The following CARMIL1 variants were observed in gnomAD, a reference collection of about 807,000 sequenced individuals.
The protein encoded by CARMIL1 is capping protein regulator and myosin 1 linker 1, also known as F-actin-uncapping protein LRRC16A.
A neutral mutation model predicts 177.1 loss-of-function variants in CARMIL1; 90 were observed. The observed-to-expected ratio is 0.51, with a 90% confidence interval of 0.43 to 0.61. The LOEUF (loss-of-function observed/expected upper bound fraction) is 0.61. Among genes scored for constraint, CARMIL1 ranks in the 20% least tolerant of loss-of-function variants. The pLI, the probability that CARMIL1 is intolerant of heterozygous loss-of-function variation, is 0.00. For missense variants in CARMIL1, 1,380 were observed against 1,667.0 expected, an observed-to-expected ratio of 0.83 and a Z score of 3.00; for synonymous variants, 577 against 606.2, an observed-to-expected ratio of 0.95 and a Z score of 0.71.
At chr6:25,532,824 A>G (rs957636172) in intron 24 of CARMIL1, among the ~76,000 whole-genome samples, 6 of 152,272 alleles carry the variant, frequency 3.9e-5, no homozygotes, top group African/African-American at 1.4e-4. Context: ...AAAAAGCCGT[A>G]TAGTAAATAC....
intron 6 of CARMIL1, 91 bp downstream of exon 6, chr6:25,450,086 A>C (rs1798637945): frequency 1.9e-6 from 2 of 1,077,660 alleles, no homozygotes; most frequent in South Asian, 3.2e-5. Context: ...GCTACTGTAA[A>C]GGTGCAATTA....
At chr6:25,441,381 G>GTA (rs1797779370) in intron 5 of CARMIL1, among the ~76,000 whole-genome samples, 1 of 148,036 alleles carries the variant, frequency 6.8e-6, no homozygotes, top group Non-Finnish European at 1.5e-5. Flanking sequence ...GTCTATGTGT[G>GTA]TGTGTGTGTA....
intron 2 of CARMIL1, among the ~76,000 whole-genome samples, chr6:25,297,300 C>G (rs1782483244): frequency 6.6e-6 from 1 of 152,234 alleles, no homozygotes; most frequent in Admixed American, 6.5e-5. Context: ...TGTTTCCCTT[C>G]AAGCATCTTG....
chr6:25,308,529 G>A (rs569045681), intron 2 of CARMIL1, among the ~76,000 whole-genome samples: 3 of 152,040 alleles, frequency 2.0e-5, no homozygotes, highest in East Asian at 1.9e-4. Context: ...CTACAGGCGC[G>A]TGCCACCACA....
At chr6:25,523,653 C>G (rs968500077) in intron 23 of CARMIL1, among the ~76,000 whole-genome samples, 16 of 152,184 alleles carry the variant, frequency 1.1e-4, no homozygotes, top group African/African-American at 3.1e-4. Context: ...GAAGTTATCA[C>G]TCCCATCCTC....
At position 25,482,465 on chromosome 6, in the gene CARMIL1, A is replaced by G. The variant is rs534200742; in HGVS notation, c.961+122A>G. On this transcript the variant is annotated intron_variant, in intron 12 of 36. Coordinates refer to ENST00000329474, the MANE Select transcript of CARMIL1 (RefSeq NM_017640.6). Reference sequence around the variant, plus strand: ...AAAAAAATACATTTAAAATATATGTATTATATTACTCTGGCAGTTTGAAGA... The same window carrying G: ...AAAAAAATACATTTAAAATATATGTGTTATATTACTCTGGCAGTTTGAAGA... 80 of 521,448 alleles carry G rather than the reference A, an allele frequency of 1.5e-4. 1 individual carries two copies. In the East Asian group the frequency reaches 2.5e-3, roughly 16 times the overall value. 32.3% of individuals were successfully genotyped at this position (521,448 alleles called of 1,614,324 possible).
At chr6:25,301,498 C>T (rs1174336757) in intron 2 of CARMIL1, among the ~76,000 whole-genome samples, 1 of 152,144 alleles carries the variant, frequency 6.6e-6, no homozygotes, top group African/African-American at 2.4e-5. Flanking sequence ...TTGCTTGCTT[C>T]TCTAGGGAGC....
chr6:25,484,022 T>A (rs1298369299), intron 12 of CARMIL1, among the ~76,000 whole-genome samples: 3 of 152,154 alleles, frequency 2.0e-5, no homozygotes, highest in Non-Finnish European at 4.4e-5. Flanking sequence ...CCTCCCAAAG[T>A]GCTGGGATTA....
chr6:25,434,518 AT>A (rs5875039), intron 4 of CARMIL1, among the ~76,000 whole-genome samples: 29,837 of 101,650 alleles, frequency 0.29, 3,489 homozygotes, highest in Middle Eastern at 0.36. Context: ...GCTCAAAACC[AT>A]TTTTTTTTTT....
chr6:25,568,507 G>C (rs1228228473), intron 29 of CARMIL1, among the ~76,000 whole-genome samples: 1 of 152,086 alleles, frequency 6.6e-6, no homozygotes, highest in Non-Finnish European at 1.5e-5. Context: ...TGGGGTATGT[G>C]ATCATTTCTG....
At chr6:25,562,035 TA>T (rs1308969272) in intron 29 of CARMIL1, among the ~76,000 whole-genome samples, 17 of 152,228 alleles carry the variant, frequency 1.1e-4, no homozygotes, top group Non-Finnish European at 2.4e-4. Context: ...TTTATTTTAT[TA>T]TTACTATTAT....
intron 36 of CARMIL1, among the ~76,000 whole-genome samples, chr6:25,613,101 T>C (rs1816629266): frequency 6.6e-6 from 1 of 152,198 alleles, no homozygotes; most frequent in Admixed American, 6.5e-5. Flanking sequence ...AAATTAGAAA[T>C]TCTTATTAGG....
At chr6:25,510,141 A>G (rs940793841) in intron 18 of CARMIL1, among the ~76,000 whole-genome samples, 56 of 152,174 alleles carry the variant, frequency 3.7e-4, no homozygotes, top group African/African-American at 1.3e-3. Flanking sequence ...TGAAATTTGC[A>G]TAGACAACTT....
At chr6:25,405,966 A>C (rs1353989093) in intron 2 of CARMIL1, among the ~76,000 whole-genome samples, 2 of 152,172 alleles carry the variant, frequency 1.3e-5, no homozygotes, top group Admixed American at 6.5e-5. Flanking sequence ...GGAGCAGTAA[A>C]ACCTGTTGCA....
At chr6:25,592,379 A>G (rs1397336225) in intron 31 of CARMIL1, among the ~76,000 whole-genome samples, 1 of 152,260 alleles carries the variant, frequency 6.6e-6, no homozygotes, top group East Asian at 1.9e-4. Flanking sequence ...GGGAAAAATA[A>G]TATAATACAA....
At chr6:25,419,793 G>C (rs1398101912) in intron 2 of CARMIL1, among the ~76,000 whole-genome samples, 1 of 152,146 alleles carries the variant, frequency 6.6e-6, no homozygotes, top group Non-Finnish European at 1.5e-5. Context: ...TTGTGACTAT[G>C]TATCTTATGC....
At chr6:25,588,944 C>T (rs1025493343) in intron 31 of CARMIL1, among the ~76,000 whole-genome samples, 2 of 152,228 alleles carry the variant, frequency 1.3e-5, no homozygotes, top group South Asian at 2.1e-4. Context: ...GCCATATATT[C>T]TCGGCATAGG....
intron 2 of CARMIL1, among the ~76,000 whole-genome samples, chr6:25,417,902 T>C (rs147096646): frequency 1.3e-5 from 2 of 152,242 alleles, no homozygotes; most frequent in African/African-American, 2.4e-5. Flanking sequence ...CTCAAAGATA[T>C]TCACCTATTC....
chr6:25,479,552 A>G (rs1801894767), intron 11 of CARMIL1, among the ~76,000 whole-genome samples: 1 of 151,986 alleles, frequency 6.6e-6, no homozygotes, highest in Non-Finnish European at 1.5e-5. Flanking sequence ...TTTCTCATTT[A>G]TTTATTTTAC....
Sources: allele counts gnomAD v4.1 joint callset (sites outside exome capture counted in the v4.1 genomes callset), GRCh38; gene constraint gnomAD v4.1.1; transcripts MANE v1.5; gene names NCBI Gene and HGNC (gene_info 2026-07-23, HGNC 2026-07-21).